ABTB3: variants seen among roughly 807,000 people sequenced by gnomAD.
ABTB3 encodes ankyrin repeat and BTB domain containing 3, also known as ankyrin repeat- and BTB/POZ domain-containing protein 3.
chr12:107,607,489 AG>A, the ABTB3 span, among the ~76,000 whole-genome samples: 1 of 152,130 alleles, frequency 6.6e-6, no homozygotes, highest in African/African-American at 2.4e-5. Context: ...TGCCATGAAA[AG>A]GCCTTAATCC....
the ABTB3 span, among the ~76,000 whole-genome samples, chr12:107,477,567 G>A: frequency 6.6e-6 from 1 of 152,034 alleles, no homozygotes; most frequent in Admixed American, 6.5e-5. Flanking sequence ...CCATATAGGT[G>A]GACCTGGAAT....
the ABTB3 span, among the ~76,000 whole-genome samples, chr12:107,329,251 G>A: frequency 8.5e-5 from 13 of 152,266 alleles, no homozygotes; most frequent in South Asian, 6.2e-4. Context: ...CCCAGACTCT[G>A]GAGTTAGGTG....
chr12:107,574,749 A>G, the ABTB3 span, among the ~76,000 whole-genome samples: 1 of 152,192 alleles, frequency 6.6e-6, no homozygotes. Context: ...AGAAATGCAG[A>G]ATCTCAGGCT....
the ABTB3 span, among the ~76,000 whole-genome samples, chr12:107,403,902 C>T: frequency 1.3e-5 from 2 of 152,150 alleles, no homozygotes; most frequent in African/African-American, 4.8e-5. Flanking sequence ...GTGGCTCACG[C>T]CTGTAATCCC....
At chr12:107,545,018 T>G in the ABTB3 span, among the ~76,000 whole-genome samples, 1 of 152,232 alleles carries the variant, frequency 6.6e-6, no homozygotes, top group South Asian at 2.1e-4. Context: ...GTTGTAGATA[T>G]GATCTGCATA....
At chr12:107,453,290 G>C in the ABTB3 span, among the ~76,000 whole-genome samples, 1 of 152,174 alleles carries the variant, frequency 6.6e-6, no homozygotes, top group Non-Finnish European at 1.5e-5. Context: ...GCTATAGATT[G>C]AATGTTTGTC....
the ABTB3 span, chr12:107,581,377 AGAGCCCCGCTGGGCGGCCT>A: frequency 4.6e-5 from 56 of 1,217,962 alleles, no homozygotes; most frequent in Admixed American, 1.3e-4. Context: ...CCCTCCAATC[AGAGCCCCGCTGGGCGGCCT>A]GAGCCCCGCA....
the ABTB3 span, among the ~76,000 whole-genome samples, chr12:107,538,497 C>A: frequency 6.6e-6 from 1 of 152,152 alleles, no homozygotes; most frequent in East Asian, 1.9e-4. Flanking sequence ...GTCTGGGCTC[C>A]TCCAACTTTT....
At chr12:107,516,571 A>G in the ABTB3 span, among the ~76,000 whole-genome samples, 1 of 152,164 alleles carries the variant, frequency 6.6e-6, no homozygotes, top group African/African-American at 2.4e-5. Flanking sequence ...CCAAAAAGTC[A>G]TCTACTAGGG....
chr12:107,519,527 A>G, the ABTB3 span, among the ~76,000 whole-genome samples: 1 of 152,084 alleles, frequency 6.6e-6, no homozygotes, highest in Admixed American at 6.5e-5. Flanking sequence ...CATGTTGGCC[A>G]GGCTGGTCTC....
chr12:107,478,644 G>T, the ABTB3 span, among the ~76,000 whole-genome samples: 1 of 152,076 alleles, frequency 6.6e-6, no homozygotes, highest in Non-Finnish European at 1.5e-5. Context: ...GAAAGGACTG[G>T]ATCTTAGGTA....
the ABTB3 span, chr12:107,649,090 A>G: frequency 1.4e-5 from 12 of 883,378 alleles, no homozygotes; most frequent in Middle Eastern, 3.4e-4. Flanking sequence ...ATGGGCAACC[A>G]TTTGGAATGG....
chr12:107,576,508 G>A, the ABTB3 span, among the ~76,000 whole-genome samples: 1 of 152,142 alleles, frequency 6.6e-6, no homozygotes, highest in African/African-American at 2.4e-5. Flanking sequence ...TTCTTCTAAG[G>A]ACATCAGTCA....
the ABTB3 span, among the ~76,000 whole-genome samples, chr12:107,503,231 T>C: frequency 1.3e-5 from 2 of 152,296 alleles, no homozygotes; most frequent in South Asian, 2.1e-4. Flanking sequence ...CCTAGTTGCC[T>C]GGTGCCTGGC....
the ABTB3 span, chr12:107,617,427 A>G: frequency 6.2e-7 from 1 of 1,614,068 alleles, no homozygotes; most frequent in Non-Finnish European, 8.5e-7. Flanking sequence ...GCTGCAGCCC[A>G]CGGACACAGG....
At chr12:107,371,011 C>G in the ABTB3 span, among the ~76,000 whole-genome samples, 11 of 151,932 alleles carry the variant, frequency 7.2e-5, no homozygotes, top group African/African-American at 1.2e-4. Flanking sequence ...GACCCACCCC[C>G]CTTCTCCTCC....
chr12:107,614,847 C>T, the ABTB3 span, among the ~76,000 whole-genome samples: 2 of 152,296 alleles, frequency 1.3e-5, no homozygotes, highest in South Asian at 4.1e-4. Flanking sequence ...TTCTTACAAA[C>T]ACAAGCAGGA....
At chr12:107,414,721 TC>T in the ABTB3 span, among the ~76,000 whole-genome samples, 283 of 146,316 alleles carry the variant, frequency 1.9e-3, 4 homozygotes, top group South Asian at 6.3e-3. Context: ...CTTTTCTTTT[TC>T]TTTTTTTTTT....
At chr12:107,535,789 T>C in the ABTB3 span, among the ~76,000 whole-genome samples, 1 of 152,132 alleles carries the variant, frequency 6.6e-6, no homozygotes, top group Non-Finnish European at 1.5e-5. Context: ...ATTCCATGCT[T>C]ATGGATTGGA....
Sources: allele counts gnomAD v4.1 joint callset (sites outside exome capture counted in the v4.1 genomes callset), GRCh38; gene constraint gnomAD v4.1.1; transcripts MANE v1.5; gene names NCBI Gene and HGNC (gene_info 2026-07-23, HGNC 2026-07-21).